JARID2: variants seen among roughly 807,000 people sequenced by gnomAD.
JARID2 encodes the protein protein Jumonji.
A neutral mutation model predicts 125.6 loss-of-function variants in JARID2; 21 were observed. The ratio of observed to expected loss-of-function variants is 0.17; its 90% CI spans 0.12 to 0.24. JARID2 has a LOEUF of 0.24. Among genes scored for constraint, JARID2 ranks in the 10% least tolerant of loss-of-function variants. JARID2 has a pLI of 1.00. For synonymous variants in JARID2, 736 were observed against 661.6 expected (o/e 1.11, Z -1.73); for missense variants, 1,303 against 1,639.6 (o/e 0.79, Z 3.55).
At chr6:15,335,758 C>T (rs1281112596) in intron 1 of JARID2, among the ~76,000 whole-genome samples, 2 of 152,154 alleles carry the variant, frequency 1.3e-5, no homozygotes, top group African/African-American at 4.8e-5. Flanking sequence ...CTCAGTGTTT[C>T]TGTGGACCAA....
intron 1 of JARID2, among the ~76,000 whole-genome samples, chr6:15,290,363 T>G (rs528599298): frequency 1.3e-5 from 2 of 152,342 alleles, no homozygotes; most frequent in Admixed American, 1.3e-4. Context: ...TCAAGACTCT[T>G]TGTAGTCATG....
intron 1 of JARID2, among the ~76,000 whole-genome samples, chr6:15,298,799 G>C (rs961422045): frequency 6.6e-6 from 1 of 151,900 alleles, no homozygotes; most frequent in East Asian, 1.9e-4. Context: ...TCCCTGAGCT[G>C]CTGAAAATAA....
intron 1 of JARID2, among the ~76,000 whole-genome samples, chr6:15,297,488 CT>C (rs35578901): frequency 0.011 from 1,631 of 142,830 alleles, 9 homozygotes; most frequent in Admixed American, 0.026. Context: ...ATACAGCACT[CT>C]TTTTTTTTTT....
At chr6:15,387,075 A>T (rs550309874) in intron 2 of JARID2, among the ~76,000 whole-genome samples, 3 of 152,312 alleles carry the variant, frequency 2.0e-5, no homozygotes, top group South Asian at 2.1e-4. Flanking sequence ...GTTAATAATT[A>T]AAAATTCTGG....
At chr6:15,463,417 G>A (rs1275556957) in intron 4 of JARID2, among the ~76,000 whole-genome samples, 2 of 134,044 alleles carry the variant, frequency 1.5e-5, no homozygotes, top group Non-Finnish European at 3.1e-5. Context: ...GGGTTGTGGA[G>A]CCCTTTCCTT....
chr6:15,516,925 CAGTT>C (rs1212989536), intron 16 of JARID2, among the ~76,000 whole-genome samples: 3 of 152,188 alleles, frequency 2.0e-5, no homozygotes, highest in Non-Finnish European at 4.4e-5. Context: ...CAGAGGTGGT[CAGTT>C]ACTCACCTTC....
chr6:15,248,352 TTGCAGGCGGGCAGGAGGGCG>T (rs1759270861), intron 1 of JARID2, among the ~76,000 whole-genome samples: 3 of 142,392 alleles, frequency 2.1e-5, no homozygotes, highest in African/African-American at 7.7e-5. Context: ...CCGGGCCGGC[TTGCAGGCGGGCAGGAGGGCG>T]GGTGGGGCGC....
At chr6:15,275,175 G>A (rs1398507449) in intron 1 of JARID2, among the ~76,000 whole-genome samples, 1 of 152,154 alleles carries the variant, frequency 6.6e-6, no homozygotes, top group Non-Finnish European at 1.5e-5. Context: ...CTGGGCTCAG[G>A]TTCAAGAGTG....
intron 1 of JARID2, among the ~76,000 whole-genome samples, chr6:15,328,657 T>A (rs1762609136): frequency 6.6e-6 from 1 of 152,204 alleles, no homozygotes; most frequent in South Asian, 2.1e-4. Context: ...GACCACAGCC[T>A]CGTTTACTCC....
chr6:15,440,909 A>T (rs968809675), intron 3 of JARID2, among the ~76,000 whole-genome samples: 2 of 152,182 alleles, frequency 1.3e-5, no homozygotes, highest in Non-Finnish European at 2.9e-5. Context: ...GTTATAGTGA[A>T]TCCTTTTCTT....
At position 15,415,570 on chromosome 6, in the gene JARID2, A is replaced by T. The variant is rs1362542317; in HGVS notation, c.323+5205A>T. Reference sequence around the variant, plus strand: ...GGCAGAGGCGCCCCTCACCTCCCGGACGGGGCTGCTGGCCGGGCGGGGGGC... The same window carrying T: ...GGCAGAGGCGCCCCTCACCTCCCGGTCGGGGCTGCTGGCCGGGCGGGGGGC... On this transcript the variant is annotated intron_variant, in intron 3 of 17. Transcript: ENST00000341776. 2.8e-3 allele frequency among the ~76,000 whole-genome samples: 316 copies of T among 114,764 alleles called. 3 individuals carry two copies. Among genetic ancestry groups the T allele is most frequent in the African/African-American group, 9.4e-3 (269 of 28,700 alleles). The allele number at this position is 114,764 out of a possible 152,430, so 75.3% of individuals were successfully genotyped here.
At position 15,283,067 on chromosome 6, in the gene JARID2, CT is replaced by C. The variant is rs1321366105; in HGVS notation, c.45+36484del. ...GATCTTGGCTCACTGTAAGCTCTGC[CT>C]CCCGGGTTCTTGCCATTCTCCTGCC... On this transcript the variant is annotated intron_variant, in intron 1 of 17. Transcript: ENST00000341776. Among the ~76,000 whole-genome samples the C allele has an allele frequency of 8.6e-4, 130 of 151,970 alleles. 1 individual carries two copies. Among genetic ancestry groups the C allele is most frequent in the Middle Eastern group, 6.9e-3 (2 of 290 alleles).
intron 1 of JARID2, among the ~76,000 whole-genome samples, chr6:15,285,440 G>T: frequency 6.6e-6 from 1 of 152,036 alleles, no homozygotes; most frequent in East Asian, 1.9e-4. Flanking sequence ...TGTACTTTAA[G>T]TATATTTTCA....
intron 1 of JARID2, chr6:15,314,800 G>A (rs151013091): frequency 6.6e-6 from 1 of 152,298 alleles, no homozygotes; most frequent in East Asian, 1.9e-4. Context: ...ATTATAAATT[G>A]CCTTTATTAC....
At chr6:15,263,720 G>C (rs1290829999) in intron 1 of JARID2, among the ~76,000 whole-genome samples, 1 of 151,752 alleles carries the variant, frequency 6.6e-6, no homozygotes, top group Non-Finnish European at 1.5e-5. Context: ...AGCCTCCAGA[G>C]TAGCCAGGAT....
At chr6:15,466,135 G>A (rs1768722304) in intron 4 of JARID2, among the ~76,000 whole-genome samples, 1 of 152,154 alleles carries the variant, frequency 6.6e-6, no homozygotes, top group African/African-American at 2.4e-5. Context: ...GCTCTCACAT[G>A]GCCTCATTTG....
intron 2 of JARID2, chr6:15,401,052 C>T: frequency 7.8e-7 from 1 of 1,289,242 alleles, no homozygotes; most frequent in South Asian, 1.2e-5. Context: ...AACCAAATAG[C>T]TCTAGATTTG....
intron 2 of JARID2, among the ~76,000 whole-genome samples, chr6:15,381,207 A>T (rs960018134): frequency 2.0e-5 from 3 of 151,264 alleles, no homozygotes; most frequent in Non-Finnish European, 4.4e-5. Context: ...CAAAAAAAAA[A>T]AATTAGCCGG....
chr6:15,481,637 C>A (rs1014192346), intron 5 of JARID2, among the ~76,000 whole-genome samples: 1 of 152,082 alleles, frequency 6.6e-6, no homozygotes, highest in Non-Finnish European at 1.5e-5. Flanking sequence ...CTCCCCCTGC[C>A]CCCTTTACTT....
Sources: gnomAD v4.1 joint callset for allele counts (sites outside exome capture counted in the v4.1 genomes callset) on GRCh38, gnomAD v4.1.1 for gene constraint, MANE v1.5 for transcripts, NCBI Gene and HGNC (gene_info 2026-07-23, HGNC 2026-07-21) for gene names.